The following ERI3 variants were observed in gnomAD, a reference collection of about 807,000 sequenced individuals.
ERI3 encodes the protein ERI1 exoribonuclease 3.
ERI3 carries 18 observed loss-of-function variants against 44.4 expected under a neutral mutation model. The observed-to-expected ratio is 0.41, with a 90% CI of 0.28 to 0.60. The LOEUF is 0.60. Among genes scored for constraint, ERI3 ranks in the 20% least tolerant of loss-of-function variants. ERI3 has a pLI of 0.36. For synonymous variants in ERI3, 183 were observed against 164.8 expected (o/e 1.11, Z -0.84); for missense variants, 294 against 435.5 (o/e 0.68, Z 2.89).
rs1644434765 is a variant in ERI3, at chr1:44,241,540, T to G, written c.931+6399A>C. ...TGAGTAGGAGCAGCCAGCACGCGGG[T>G]CCTGCCAGATGGATGCAATTTGCAT... On this transcript the variant is annotated intron_variant, in intron 8 of 8. Transcript: ENST00000372257. The surrounding 1 kb of genome is among the most constrained non-coding windows in gnomAD (Gnocchi z 5.6). Among the ~76,000 whole-genome samples the G allele has an allele frequency of 6.6e-6, 1 of 151,506 alleles. No homozygotes were observed. Among genetic ancestry groups the G allele is most frequent in the Non-Finnish European group, 1.5e-5 (1 of 67,906 alleles).
chr1:44,261,578 G>A (rs753797764), intron 7 of ERI3, among the ~76,000 whole-genome samples: 4 of 152,224 alleles, frequency 2.6e-5, no homozygotes, highest in Admixed American at 6.5e-5. Flanking sequence ...ACGAGAGCAG[G>A]CAGCGGCCAG....
intron 2 of ERI3, among the ~76,000 whole-genome samples, chr1:44,346,422 G>A (rs191485770): frequency 1.3e-5 from 2 of 152,254 alleles, no homozygotes; most frequent in East Asian, 1.9e-4. Flanking sequence ...TAACCCAGCA[G>A]CCATGCCCAG....
intron 6 of ERI3, among the ~76,000 whole-genome samples, chr1:44,292,434 G>A (rs529173451): frequency 3.0e-4 from 46 of 152,270 alleles, no homozygotes; most frequent in African/African-American, 1.0e-3. Context: ...GTATCACTGA[G>A]ACCCAGGACC....
At chr1:44,236,078 C>T (rs956968294) in intron 8 of ERI3, among the ~76,000 whole-genome samples, 3 of 152,204 alleles carry the variant, frequency 2.0e-5, no homozygotes, top group African/African-American at 7.2e-5. Context: ...AGTGGAGGCA[C>T]TGACTGGGGA....
intron 1 of ERI3, chr1:44,354,569 G>T (rs1485403897): frequency 2.0e-6 from 2 of 985,264 alleles, no homozygotes; most frequent in Non-Finnish European, 2.4e-6. Context: ...CTGCTAACCT[G>T]GTGTGTGGGC....
chr1:44,307,177 T>C (rs1300014662), intron 6 of ERI3, among the ~76,000 whole-genome samples: 1 of 152,160 alleles, frequency 6.6e-6, no homozygotes, highest in Non-Finnish European at 1.5e-5. Flanking sequence ...GGTCTCTGTG[T>C]GCTCATGTGA....
At chr1:44,314,153 T>TG (rs5773825) in intron 4 of ERI3, among the ~76,000 whole-genome samples, 72,006 of 147,828 alleles carry the variant, frequency 0.49, 17,646 homozygotes, top group South Asian at 0.63. Flanking sequence ...TAAAGTGTGT[T>TG]GGGGGGGGGG....
intron 6 of ERI3, among the ~76,000 whole-genome samples, chr1:44,298,195 T>C (rs934502156): frequency 1.3e-5 from 2 of 152,236 alleles, no homozygotes; most frequent in Non-Finnish European, 2.9e-5. Context: ...GCAGAGCACA[T>C]AGCAGGTTGT....
At chr1:44,272,047 G>A (rs928172214) in intron 7 of ERI3, among the ~76,000 whole-genome samples, 6 of 152,076 alleles carry the variant, frequency 3.9e-5, no homozygotes, top group East Asian at 1.9e-4. Flanking sequence ...CTCTTCTCCC[G>A]ATAGCCTAGT....
intron 3 of ERI3, chr1:44,322,940 C>A: frequency 7.0e-7 from 1 of 1,433,982 alleles, no homozygotes; most frequent in Non-Finnish European, 9.2e-7. Context: ...TTAATCCCAA[C>A]ACAAAGATTT....
At position 44,221,374 on chromosome 1, in the gene ERI3, G is replaced by A; in HGVS notation, c.*184C>T. The stretch of plus-strand genomic sequence containing the variant: ...GGGCACAAAGTGTCTGCTCCAGAAG[G>A]GCCAAGTGGCCAAGCCCTTGCAAGG... On this transcript the variant is annotated 3_prime_UTR_variant, in exon 9 of 9. Transcript: ENST00000372257. The surrounding 1 kb of genome is among the most constrained non-coding windows in gnomAD (Gnocchi z 5.9). The A allele has an allele frequency of 1.7e-6, 1 of 585,690 alleles. No individual in the cohort carries two copies. 36.3% of individuals were successfully genotyped at this position (585,690 alleles called of 1,614,324 possible). A position where few individuals can be genotyped will look rare whatever the true frequency, so the allele number is the denominator to read the frequency against.
At chr1:44,295,659 T>C (rs545071069) in intron 6 of ERI3, among the ~76,000 whole-genome samples, 3 of 152,174 alleles carry the variant, frequency 2.0e-5, no homozygotes, top group Non-Finnish European at 2.9e-5. Context: ...AAGATGTATA[T>C]ATAGCACATG....
intron 3 of ERI3, among the ~76,000 whole-genome samples, chr1:44,332,049 C>T (rs548143004): frequency 1.3e-5 from 2 of 152,268 alleles, no homozygotes; most frequent in Admixed American, 1.3e-4. Flanking sequence ...TCTTTATACC[C>T]CTAGCATCTA....
intron 2 of ERI3, among the ~76,000 whole-genome samples, chr1:44,351,654 C>T (rs941980777): frequency 2.0e-5 from 3 of 152,120 alleles, no homozygotes; most frequent in Non-Finnish European, 4.4e-5. Context: ...CTTTTTTCTA[C>T]TCCCTGGTCT....
chr1:44,281,619 T>TATATAA (rs1645288416), intron 7 of ERI3, among the ~76,000 whole-genome samples: 3 of 142,780 alleles, frequency 2.1e-5, no homozygotes, highest in Non-Finnish European at 4.6e-5. Context: ...TATATATATA[T>TATATAA]AATATATATA....
At chr1:44,319,540 T>C (rs1557848370) in intron 4 of ERI3, 88 bp downstream of exon 4, 2 of 838,668 alleles carry the variant, frequency 2.4e-6, no homozygotes, top group Non-Finnish European at 2.0e-6. Flanking sequence ...ATAAGCCCTA[T>C]GCTTTCTCTA....
chr1:44,235,468 C>T lies in ERI3; in HGVS notation c.931+12471G>A, dbSNP rs75475584. Reference sequence around the variant, plus strand: ...CCTATCGTAACTGCCTCTCCTTCACCTCCTGCTAGACCATGAACTCTTTGA... The same window carrying T: ...CCTATCGTAACTGCCTCTCCTTCACTTCCTGCTAGACCATGAACTCTTTGA... On this transcript the variant is annotated intron_variant, in intron 8 of 8. Transcript: ENST00000372257. This position sits in a 1 kb window ranked among gnomAD's most constrained non-coding sequence, Gnocchi z 4.6. Among the ~76,000 whole-genome samples the T allele has an allele frequency of 0.018, 2,742 of 152,306 alleles. 31 individuals are homozygous for T. Among genetic ancestry groups the T allele is most frequent in the African/African-American group, 0.026 (1,088 of 41,556 alleles).
chr1:44,242,473 C>T lies in ERI3; in HGVS notation c.931+5466G>A, dbSNP rs367567118. On this transcript the variant is annotated intron_variant, in intron 8 of 8. Coordinates refer to ENST00000372257, the MANE Select transcript of ERI3 (RefSeq NM_024066.3). ...AACCCTCAGCCAAGGTCCTCACATT[C>T]TTCCTTGCCTTGAGTGGGGGTCCCC... 2.3e-4 allele frequency among the ~76,000 whole-genome samples: 35 copies of T among 152,376 alleles called. No individual in the cohort carries two copies. In the East Asian group the frequency reaches 5.8e-3, roughly 25 times the overall value.
At chr1:44,239,863 C>T (rs924507700) in intron 8 of ERI3, among the ~76,000 whole-genome samples, 1 of 152,226 alleles carries the variant, frequency 6.6e-6, no homozygotes. Flanking sequence ...TCACATCAAA[C>T]GGCAGGATCT....
Sources: allele counts gnomAD v4.1 joint callset (sites outside exome capture counted in the v4.1 genomes callset), GRCh38; gene constraint gnomAD v4.1.1; non-coding constraint Gnocchi (gnomAD v3.1); transcripts MANE v1.5; gene names NCBI Gene and HGNC (gene_info 2026-07-23, HGNC 2026-07-21).